GRID2IP: variants seen among roughly 807,000 people sequenced by gnomAD.
GRID2IP encodes Grid2 interacting protein.
In GRID2IP, 78 loss-of-function variants were observed where a neutral mutation model predicts 114.3. The observed-to-expected ratio is 0.68, with a 90% confidence interval of 0.57 to 0.82. The LOEUF is 0.82. GRID2IP is among the 40% of genes least tolerant of loss of function. The pLI is 0.00. For missense variants in GRID2IP, 1,727 were observed against 1,678.5 expected (o/e 1.03, Z -0.51); for synonymous variants, 809 against 724.0 (o/e 1.12, Z -1.89).
intron 16 of GRID2IP, 97 bp downstream of exon 16, chr7:6,503,394 G>A (rs1303722547): frequency 2.4e-6 from 3 of 1,235,850 alleles, no homozygotes; most frequent in African/African-American, 3.1e-5. Flanking sequence ...GCGCAATGGC[G>A]GCCCCCGAAG....
At chr7:6,545,914 A>C (rs1289735263) in intron 1 of GRID2IP, among the ~76,000 whole-genome samples, 1 of 152,082 alleles carries the variant, frequency 6.6e-6, no homozygotes, top group South Asian at 2.1e-4. Context: ...AGCAACCTCA[A>C]TTCAAAGGAG....
At position 6,514,383 on chromosome 7, in the gene GRID2IP, G is replaced by C. The variant is rs746566448; in HGVS notation, c.1415C>G (p.Ala472Gly). 5 of 1,521,208 alleles carry C rather than the reference G, an allele frequency of 3.3e-6. No individual in the cohort carries two copies. Among genetic ancestry groups the C allele is most frequent in the Middle Eastern group, 1.7e-4 (1 of 5,908 alleles). 94.2% of individuals were successfully genotyped at this position (1,521,208 alleles called of 1,614,324 possible). ...GGGGAGAGGACGCTTACCTGTCATG[G>C]CCGTGTAGCCCAGGAAGCATGCGAT... Reference protein sequence around the residue: ...EKIACFLGYTAMTAEPEPELD... With the variant: ...EKIACFLGYTGMTAEPEPELD... The change falls in exon 8 of 22, where the codon GCC (alanine) becomes GGC (glycine). Residue 472 changes from alanine (A) to glycine (G), a missense_variant. Coordinates refer to ENST00000457091, the MANE Select transcript of GRID2IP (RefSeq NM_001145118.2).
chr7:6,499,783 G>A (rs2115349892), intron 20 of GRID2IP, among the ~76,000 whole-genome samples: 1 of 151,936 alleles, frequency 6.6e-6, no homozygotes, highest in East Asian at 1.9e-4. Context: ...TGGCTACAGT[G>A]CAGTGGTGTG....
intron 1 of GRID2IP, among the ~76,000 whole-genome samples, chr7:6,542,306 C>CAAAAAAA (rs56154707): frequency 2.8e-4 from 27 of 95,012 alleles, no homozygotes; most frequent in South Asian, 4.2e-4. Context: ...AACTCCATCT[C>CAAAAAAA]AAAAAAAAAA....
At chr7:6,517,983 G>A (rs1014610202) in intron 7 of GRID2IP, among the ~76,000 whole-genome samples, 2 of 151,710 alleles carry the variant, frequency 1.3e-5, no homozygotes, top group African/African-American at 4.8e-5. Flanking sequence ...TGTAATCCCA[G>A]CACTTTGGAA....
At position 6,497,806 on chromosome 7, in the gene GRID2IP, T is replaced by C. The variant is rs1455449627; in HGVS notation, c.3604A>G (p.Ser1202Gly). Residue 1202 changes from serine to glycine, a missense_variant, in exon 22 of 22, where the codon AGC (serine) becomes GGC (glycine). Transcript: ENST00000457091. ...SDLQAGEGLRSSGMVSPLAW is the reference protein window; with the variant it reads ...SDLQAGEGLRGSGMVSPLAW ...GCCAGGGGTGAAACCATCCCGGAGCTGCGCAGGCCCTCCCCGGCCTGCAGG... is the reference window on the plus strand; with the variant it reads ...GCCAGGGGTGAAACCATCCCGGAGCCGCGCAGGCCCTCCCCGGCCTGCAGG... 11 of 1,550,276 alleles carry C rather than the reference T, an allele frequency of 7.1e-6. No homozygotes were observed. Among genetic ancestry groups the C allele is most frequent in the Non-Finnish European group, 9.6e-6 (11 of 1,146,830 alleles).
rs896085847 is a variant in GRID2IP at position 6,523,241 on chromosome 7, G to A, written c.920-1284C>T. On this transcript the variant is annotated intron_variant, in intron 4 of 21. Coordinates refer to ENST00000457091, the MANE Select transcript of GRID2IP (RefSeq NM_001145118.2). The surrounding 1 kb of genome is among the most constrained non-coding windows in gnomAD (Gnocchi z 4.5). The stretch of plus-strand genomic sequence containing the variant: ...AGTGGAAACTGTCCAGAGAAGAGAG[G>A]GAACAATTAGGGAAGACTTCCCGGG... Among the ~76,000 whole-genome samples, 2 of 152,176 alleles carry A rather than the reference G, an allele frequency of 1.3e-5. No individual in the cohort carries two copies. Among genetic ancestry groups the A allele is most frequent in the Non-Finnish European group, 1.5e-5 (1 of 68,028 alleles).
chr7:6,549,066 G>C (rs1161823849), intron 1 of GRID2IP, among the ~76,000 whole-genome samples: 1 of 152,168 alleles, frequency 6.6e-6, no homozygotes, highest in Non-Finnish European at 1.5e-5. Flanking sequence ...CTGGAGGACA[G>C]GAGTGAAGGT....
At chr7:6,522,695 G>C (rs1240185550) in intron 4 of GRID2IP, among the ~76,000 whole-genome samples, 1 of 151,720 alleles carries the variant, frequency 6.6e-6, no homozygotes, top group Non-Finnish European at 1.5e-5. Context: ...ACCCAGGCTG[G>C]AGTGCAGTGG....
intron 1 of GRID2IP, among the ~76,000 whole-genome samples, chr7:6,549,953 G>C (rs1266767029): frequency 6.6e-6 from 1 of 151,922 alleles, no homozygotes; most frequent in African/African-American, 2.4e-5. Context: ...CTTGATCTTA[G>C]ATGAAGGGCC....
In GRID2IP at chr7:6,551,263, G is replaced by T; in HGVS notation, c.174C>A (p.Gly58=). 1 of 1,535,976 alleles carries T rather than the reference G, an allele frequency of 6.5e-7. No individual in the cohort carries two copies. The highest frequency in any genetic ancestry group is 8.7e-7 in the Non-Finnish European group (1 of 1,145,590). Residue 58 remains glycine, a synonymous_variant, in exon 1 of 22, where the codon GGC becomes GGA. Coordinates refer to ENST00000457091, the MANE Select transcript of GRID2IP (RefSeq NM_001145118.2). ...GCACGAGGCGCTCGCGGCTCAGACC[G>T]CCCACCGCCAGCCCCTCCACCTCCA... ...QILEVEGLAV[G]GLSRERLVRL...
Position 6,523,314 on chromosome 7 carries a change from T to G in GRID2IP, c.920-1357A>C, listed in dbSNP as rs889293837. 6.6e-6 allele frequency among the ~76,000 whole-genome samples: 1 copy of G among 150,826 alleles called. No individual in the cohort carries two copies. Among genetic ancestry groups the G allele is most frequent in the African/African-American group, 2.4e-5 (1 of 40,916 alleles). ...TTTCCCTGGACCAAAAAGGAGAGAGTGATGGTGGTGGCGAATCCAATCTGG... is the reference window on the plus strand; with the variant it reads ...TTTCCCTGGACCAAAAAGGAGAGAGGGATGGTGGTGGCGAATCCAATCTGG... On this transcript the variant is annotated intron_variant, in intron 4 of 21. Coordinates refer to ENST00000457091, the MANE Select transcript of GRID2IP (RefSeq NM_001145118.2). This position sits in a 1 kb window ranked among gnomAD's most constrained non-coding sequence, Gnocchi z 4.5.
At position 6,507,485 on chromosome 7, in the gene GRID2IP, A is replaced by G. The variant is rs1005858392; in HGVS notation, c.2544+500T>C. On this transcript the variant is annotated intron_variant, in intron 13 of 21. Transcript: ENST00000457091. The surrounding 1 kb of genome is among the most constrained non-coding windows in gnomAD (Gnocchi z 5.3). ...TTAAGGGCCAGAAAGAAAACAGGGC[A>G]TGGGAATCCTGGGGAGACAAGATTT... Among the ~76,000 whole-genome samples, 6 of 152,208 alleles carry G rather than the reference A, an allele frequency of 3.9e-5. No individual in the cohort carries two copies. The highest frequency in any genetic ancestry group is 9.6e-5 in the African/African-American group (4 of 41,464).
chr7:6,538,959 T>C (rs376493829), intron 2 of GRID2IP, among the ~76,000 whole-genome samples: 1 of 151,982 alleles, frequency 6.6e-6, no homozygotes, highest in Admixed American at 6.6e-5. Flanking sequence ...AGAGCACACA[T>C]GGTTTGTAGG....
chr7:6,530,677 G>C (rs1779605311), intron 2 of GRID2IP, among the ~76,000 whole-genome samples: 1 of 152,176 alleles, frequency 6.6e-6, no homozygotes, highest in East Asian at 1.9e-4. Flanking sequence ...GCAGTGGAGA[G>C]GTCGTGCCCC....
At position 6,523,768 on chromosome 7, in the gene GRID2IP, C is replaced by T. The variant is rs1424364273; in HGVS notation, c.920-1811G>A. Among the ~76,000 whole-genome samples the T allele has an allele frequency of 6.6e-6, 1 of 152,080 alleles. No homozygotes were observed. The highest frequency in any genetic ancestry group is 1.5e-5 in the Non-Finnish European group (1 of 68,002). On this transcript the variant is annotated intron_variant, in intron 4 of 21. Transcript: ENST00000457091. This position sits in a 1 kb window ranked among gnomAD's most constrained non-coding sequence, Gnocchi z 4.5. Reference sequence around the variant, plus strand: ...CAAACTCCTGGGCTCAAGTGATCTTCCTGCCTCGGCCTCCCAAAGTGCTGG... The same window carrying T: ...CAAACTCCTGGGCTCAAGTGATCTTTCTGCCTCGGCCTCCCAAAGTGCTGG...
intron 1 of GRID2IP, among the ~76,000 whole-genome samples, chr7:6,548,219 G>A (rs567678688): frequency 6.6e-6 from 1 of 152,086 alleles, no homozygotes; most frequent in African/African-American, 2.4e-5. Flanking sequence ...CAGGCATGGT[G>A]GTGGGGGCCT....
In GRID2IP at chr7:6,526,366, G is replaced by C; in HGVS notation, c.834-57C>G. The C allele has an allele frequency of 6.6e-7, 1 of 1,517,964 alleles. No individual in the cohort carries two copies. Among genetic ancestry groups the C allele is most frequent in the Non-Finnish European group, 8.9e-7 (1 of 1,118,756 alleles). The allele number at this position is 1,517,964 out of a possible 1,614,324, so 94.0% of individuals were successfully genotyped here. The stretch of plus-strand genomic sequence containing the variant: ...TGGAGAGGGGGCCCTGGGGCGCAGA[G>C]GTTGGAGATGTCCCGTGTCCCTCTC... On this transcript the variant is annotated intron_variant, in intron 3 of 21. Transcript: ENST00000457091. The surrounding 1 kb of genome is among the most constrained non-coding windows in gnomAD (Gnocchi z 7.6).
rs770445260 is a variant in GRID2IP, at chr7:6,503,715, GGCGGGGCCGGA to G, written c.2711-39_2711-29del. On this transcript the variant is annotated intron_variant, in intron 15 of 21. Transcript: ENST00000457091. ...GCGGGCGGGGCGGGGCGGTGAGCTG[GGCGGGGCCGGA>G]GCGGGGCCGGATGGGACCCAAGACG... is the stretch of plus-strand genomic sequence containing the variant. The G allele has an allele frequency of 2.0e-3, 2,916 of 1,440,662 alleles. 7 individuals carry two copies. The highest frequency in any genetic ancestry group is 2.4e-3 in the Non-Finnish European group (2,693 of 1,100,468). The allele number at this position is 1,440,662 out of a possible 1,614,324, so 89.2% of individuals were successfully genotyped here. A position where few individuals can be genotyped will look rare whatever the true frequency, so the allele number is the denominator to read the frequency against.
Sources: allele counts gnomAD v4.1 joint callset (sites outside exome capture counted in the v4.1 genomes callset), GRCh38; gene constraint gnomAD v4.1.1; non-coding constraint Gnocchi (gnomAD v3.1); transcripts MANE v1.5; gene names NCBI Gene and HGNC (gene_info 2026-07-23, HGNC 2026-07-21).